The following ARFGEF1 variants were observed in gnomAD, a reference collection of about 807,000 sequenced individuals.
The protein encoded by ARFGEF1 is brefeldin A-inhibited guanine nucleotide-exchange protein 1.
ARFGEF1 carries 42 observed loss-of-function variants against 231.0 expected under a neutral mutation model. The observed-to-expected ratio is 0.18, with a 90% CI of 0.14 to 0.24. ARFGEF1 has a LOEUF of 0.24. Ranked by LOEUF, ARFGEF1 falls within the 10% of genes least tolerant of loss-of-function variation. The pLI, the probability that ARFGEF1 is intolerant of heterozygous loss-of-function variation, is 1.00. For missense variants in ARFGEF1, 1,345 were observed against 2,192.0 expected (o/e 0.61, Z 7.72); for synonymous variants, 710 against 732.3 (o/e 0.97, Z 0.49).
chr8:67,320,638 C>T (rs1050037200), intron 1 of ARFGEF1, among the ~76,000 whole-genome samples: 10 of 152,114 alleles, frequency 6.6e-5, no homozygotes, highest in African/African-American at 2.2e-4. Flanking sequence ...ACAAACTATA[C>T]GACATCCATA....
rs151049141 is a variant in ARFGEF1 at position 67,186,948 on chromosome 8, A to T, written c.561-11376T>A. Among the ~76,000 whole-genome samples the T allele has an allele frequency of 1.1e-3, 174 of 151,810 alleles. 2 individuals carry two copies. Among genetic ancestry groups the T allele is most frequent in the Non-Finnish European group, 2.0e-3 (135 of 67,954 alleles). On this transcript the variant is annotated intron_variant, in intron 5 of 5. Coordinates refer to the ARFGEF1 transcript ENST00000518789. ...TTACATTAGCATTCCCCCAAGGAAT[A>T]CTGAGGTATAAATCTATCTATCATC...
At chr8:67,246,436 A>G (rs1840109394) in intron 19 of ARFGEF1, among the ~76,000 whole-genome samples, 1 of 150,492 alleles carries the variant, frequency 6.6e-6, no homozygotes, top group East Asian at 1.9e-4. Flanking sequence ...ATAAAACTAG[A>G]AATCAGTAAC....
Position 67,253,478 on chromosome 8 carries a change from T to C in ARFGEF1, c.2671A>G (p.Thr891Ala). The C allele has an allele frequency of 6.4e-7, 1 of 1,571,788 alleles. No individual in the cohort carries two copies. The highest frequency in any genetic ancestry group is 8.7e-7 in the Non-Finnish European group (1 of 1,146,132). ...KISMKETKEL[T>A]IPTKSSKQNV... Reference sequence around the variant, plus strand: ...TGTTTACTTGATTTTGTAGGGATTGTTAGTTCTTTTGTTTCTTTCATTGAT... The same window carrying C: ...TGTTTACTTGATTTTGTAGGGATTGCTAGTTCTTTTGTTTCTTTCATTGAT... The change falls in exon 18 of 39, where the codon ACA becomes GCA. Residue 891 changes from threonine to alanine, a missense_variant. Physicochemically the swap from Thr to Ala is moderately conservative, Grantham distance 58. Transcript: ENST00000262215.
downstream of ARFGEF1, chr8:67,195,683 C>A: frequency 9.8e-7 from 1 of 1,015,674 alleles, no homozygotes; most frequent in Non-Finnish European, 1.5e-6. Context: ...TGGCCCCTAC[C>A]TGAAAGTTAC....
At chr8:67,267,981 A>G (rs1325902370) in intron 10 of ARFGEF1, among the ~76,000 whole-genome samples, 2 of 152,072 alleles carry the variant, frequency 1.3e-5, no homozygotes, top group African/African-American at 4.8e-5. Context: ...CATATGAACT[A>G]TTTCTCACTA....
At chr8:67,312,678 T>C (rs1807128644) in intron 1 of ARFGEF1, among the ~76,000 whole-genome samples, 1 of 152,218 alleles carries the variant, frequency 6.6e-6, no homozygotes, top group Non-Finnish European at 1.5e-5. Flanking sequence ...TCCTCGAGTT[T>C]TAAAAATTGT....
chr8:67,190,506 A>G (rs1835918923), intron 5 of ARFGEF1: 4 of 626,942 alleles, frequency 6.4e-6, no homozygotes, highest in Non-Finnish European at 1.2e-5. Flanking sequence ...TACTAAAAAA[A>G]TCACCGAACT....
At chr8:67,226,205 A>G in intron 27 of ARFGEF1, 22 bp from the exon 28 acceptor site, 1 of 1,498,550 alleles carries the variant, frequency 6.7e-7, no homozygotes, top group Non-Finnish European at 8.9e-7. Context: ...AAAAATATAT[A>G]TTACTATAAT....
intron 7 of ARFGEF1, among the ~76,000 whole-genome samples, chr8:67,282,350 G>C (rs1436863804): frequency 6.6e-6 from 1 of 151,932 alleles, no homozygotes; most frequent in African/African-American, 2.4e-5. Flanking sequence ...ATTAGCTATA[G>C]AATTTCACAC....
chr8:67,303,014 G>A (rs1045195601), intron 1 of ARFGEF1, among the ~76,000 whole-genome samples: 2 of 151,246 alleles, frequency 1.3e-5, no homozygotes, highest in Non-Finnish European at 2.9e-5. Context: ...AGGGTCCCTT[G>A]AGCCCAAGAG....
At chr8:67,281,445 A>T (rs552341660) in intron 7 of ARFGEF1, among the ~76,000 whole-genome samples, 1 of 152,286 alleles carries the variant, frequency 6.6e-6, no homozygotes, top group South Asian at 2.1e-4. Context: ...TAATCAAACA[A>T]GAAAACTTAC....
Position 67,260,030 on chromosome 8 carries a change from G to C in ARFGEF1, c.2124-104C>G, listed in dbSNP as rs774827703. The C allele has an allele frequency of 2.2e-5, 14 of 649,186 alleles. No homozygotes were observed. The East Asian group carries it at 3.3e-4, about 15-fold the overall frequency. The allele number at this position is 649,186 out of a possible 1,614,324, so 40.2% of individuals were successfully genotyped here. ...TTCTAATAGCACCCAGAAAATAGTA[G>C]CTTATTTAATACACATCAGTACATG... On this transcript the variant is annotated intron_variant, in intron 14 of 38. Transcript: ENST00000262215.
chr8:67,323,365 TAA>T (rs1294723143), intron 1 of ARFGEF1, among the ~76,000 whole-genome samples: 3 of 152,220 alleles, frequency 2.0e-5, no homozygotes, highest in Non-Finnish European at 4.4e-5. Flanking sequence ...TGGTAACACC[TAA>T]ACCTTAAACT....
At chr8:67,266,238 A>G (rs1271352431) in intron 13 of ARFGEF1, 31 bp from the exon 14 acceptor site, 1 of 1,566,536 alleles carries the variant, frequency 6.4e-7, no homozygotes, top group African/African-American at 1.4e-5. Flanking sequence ...AGAGTACATT[A>G]TTCTATCAAA....
intron 1 of ARFGEF1, among the ~76,000 whole-genome samples, chr8:67,339,006 A>G (rs935259155): frequency 1.3e-5 from 2 of 152,176 alleles, no homozygotes; most frequent in African/African-American, 4.8e-5. Context: ...TCTTTTTTAT[A>G]ACTCCACCAA....
chr8:67,198,250 C>T lies in ARFGEF1; in HGVS notation c.*684G>A. The T allele has an allele frequency of 3.0e-6, 3 of 985,564 alleles. No individual in the cohort carries two copies. Among genetic ancestry groups the T allele is most frequent in the Non-Finnish European group, 3.6e-6 (3 of 829,860 alleles). The allele number at this position is 985,564 out of a possible 1,614,324, so 61.1% of individuals were successfully genotyped here. On this transcript the variant is annotated 3_prime_UTR_variant, in exon 39 of 39. Transcript: ENST00000262215. ...ACCAAAAAGGGCAAAACTAAAAATC[C>T]CTATAAAATAAAAAAGAAAGTTCCA... is the stretch of plus-strand genomic sequence containing the variant.
intron 34 of ARFGEF1, among the ~76,000 whole-genome samples, chr8:67,210,803 C>G (rs1179657514): frequency 6.6e-6 from 1 of 152,138 alleles, no homozygotes; most frequent in Non-Finnish European, 1.5e-5. Context: ...GCCTGTAATC[C>G]CAGCACTTTG....
intron 1 of ARFGEF1, among the ~76,000 whole-genome samples, chr8:67,324,628 G>A (rs1435650706): frequency 2.0e-5 from 3 of 151,942 alleles, no homozygotes; most frequent in East Asian, 1.9e-4. Flanking sequence ...CTACCATAGC[G>A]CCTATTTATC....
downstream of ARFGEF1, chr8:67,193,652 A>AAACT (rs1298578632): frequency 2.0e-6 from 3 of 1,528,436 alleles, no homozygotes; most frequent in Non-Finnish European, 2.7e-6. Flanking sequence ...ATGAACTTTT[A>AAACT]AACTTTCTTA....
Sources: allele counts gnomAD v4.1 joint callset (sites outside exome capture counted in the v4.1 genomes callset), GRCh38; gene constraint gnomAD v4.1.1; transcripts MANE v1.5; gene names NCBI Gene and HGNC (gene_info 2026-07-23, HGNC 2026-07-21).